TMEM165: variants seen among roughly 807,000 people sequenced by gnomAD.
TMEM165 encodes transmembrane protein 165, also known as putative divalent cation/proton antiporter TMEM165.
Under a neutral mutation model 30.0 loss-of-function variants are expected in TMEM165, and 19 were observed. That is an observed-to-expected ratio of 0.63 (90% CI 0.44 to 0.93). The LOEUF (loss-of-function observed/expected upper bound fraction) is 0.93, where lower values mean the gene tolerates loss of function less well. TMEM165 is among the 40% of genes least tolerant of loss of function. The probability of loss-of-function intolerance (pLI) is 0.00; values close to 1 mark genes in which losing one functional copy is unlikely to be tolerated. For synonymous variants in TMEM165, 168 were observed against 162.9 expected, an observed-to-expected ratio of 1.03 and a Z score of -0.24; for missense variants, 340 against 417.0, an observed-to-expected ratio of 0.82 and a Z score of 1.61.
chr4:55,422,561 T>G (rs1360447047), intron 4 of TMEM165, among the ~76,000 whole-genome samples: 3 of 152,172 alleles, frequency 2.0e-5, no homozygotes, highest in African/African-American at 7.2e-5. Flanking sequence ...CCACCCTGAT[T>G]CAACTGACTC....
chr4:55,400,303 T>TATA (rs1310690141), intron 1 of TMEM165, among the ~76,000 whole-genome samples: 8 of 104,750 alleles, frequency 7.6e-5, no homozygotes, highest in Non-Finnish European at 1.4e-4. Flanking sequence ...TATAATATTA[T>TATA]ATATAATATT....
chr4:55,435,870 C>T (rs1232686123), intron 3 of TMEM165, among the ~76,000 whole-genome samples: 1 of 152,200 alleles, frequency 6.6e-6, no homozygotes, highest in Non-Finnish European at 1.5e-5. Context: ...AAATCACACA[C>T]GTTCTTTCAC....
chr4:55,424,980 G>C (rs1284116441), intron 5 of TMEM165, among the ~76,000 whole-genome samples: 1 of 152,206 alleles, frequency 6.6e-6, no homozygotes, highest in Non-Finnish European at 1.5e-5. Context: ...CATATGTACT[G>C]ATTCTGCTGA....
At chr4:55,431,290 C>G (rs1722484653) in intron 3 of TMEM165, 1 of 152,094 alleles carries the variant, frequency 6.6e-6, no homozygotes, top group Non-Finnish European at 1.5e-5. Context: ...TGAGGCTATA[C>G]TAGTGCTATG....
intron 3 of TMEM165, among the ~76,000 whole-genome samples, chr4:55,442,002 A>G (rs1443325218): frequency 6.6e-6 from 1 of 152,122 alleles, no homozygotes; most frequent in East Asian, 1.9e-4. Flanking sequence ...AGGCCCTCAC[A>G]TACATTTTCT....
chr4:55,405,913 C>T (rs1394760617), intron 1 of TMEM165, among the ~76,000 whole-genome samples: 1 of 152,212 alleles, frequency 6.6e-6, no homozygotes, highest in African/African-American at 2.4e-5. Flanking sequence ...CTTGCCCCAA[C>T]CATTCTTCTG....
intron 1 of TMEM165, among the ~76,000 whole-genome samples, chr4:55,406,511 T>G (rs910109111): frequency 1.3e-5 from 2 of 152,248 alleles, no homozygotes; most frequent in Non-Finnish European, 2.9e-5. Flanking sequence ...ATACTTAGTA[T>G]ATACTTTTTC....
At position 55,408,462 on chromosome 4, in the gene TMEM165, G is replaced by A. The variant is rs549107902; in HGVS notation, c.208-3152G>A. On this transcript the variant is annotated intron_variant, in intron 1 of 5. Coordinates refer to ENST00000381334, the MANE Select transcript of TMEM165 (RefSeq NM_018475.5). Reference sequence around the variant, plus strand: ...CTTTTAGGCTACAAATCTGTACAGCGTGTTACTATATTAAATACTGTAGGC... The same window carrying A: ...CTTTTAGGCTACAAATCTGTACAGCATGTTACTATATTAAATACTGTAGGC... 4.6e-5 allele frequency among the ~76,000 whole-genome samples: 7 copies of A among 152,196 alleles called. No homozygotes were observed. In the East Asian group the frequency reaches 5.8e-4, roughly 13 times the overall value.
exon 4 of TMEM165, chr4:55,453,295 A>C (rs949297562): frequency 5.4e-5 from 33 of 611,008 alleles, no homozygotes; most frequent in African/African-American, 5.4e-4. Flanking sequence ...TTTAACTTGC[A>C]TTTTTCTAGG....
Position 55,435,673 on chromosome 4 carries a change from G to A in TMEM165, c.408+11030G>A, listed in dbSNP as rs368035025. On this transcript the variant is annotated intron_variant, in intron 3 of 3. Transcript: ENST00000608091. ...ATAATAGTTACTCACACTCTCCCCT[G>A]TCCATAGGGACAAAATCCTTAAAAT... 2,116 of 1,412,580 alleles carry A rather than the reference G, an allele frequency of 1.5e-3. 3 individuals are homozygous for A. The highest frequency in any genetic ancestry group is 1.8e-3 in the Non-Finnish European group (1,766 of 1,000,392). 87.5% of individuals were successfully genotyped at this position (1,412,580 alleles called of 1,614,324 possible).
rs1231454708 is a variant in TMEM165 at position 55,403,291 on chromosome 4, C to CT, written c.207+6897dup. On this transcript the variant is annotated intron_variant, in intron 1 of 5. Transcript: ENST00000381334. ...GTAGATTTTGTTTCAAGGAAAGCAT[C>CT]TTCATCTTCTCTAGTTTCATCATGT... 1.3e-5 allele frequency: 17 copies of CT among 1,286,840 alleles called. No homozygotes were observed. In the East Asian group the frequency reaches 8.9e-4, roughly 68 times the overall value. 79.7% of individuals were successfully genotyped at this position (1,286,840 alleles called of 1,614,324 possible). A position where few individuals can be genotyped will look rare whatever the true frequency, so the allele number is the denominator to read the frequency against.
At chr4:55,417,491 TA>T (rs1721784238) in intron 3 of TMEM165, among the ~76,000 whole-genome samples, 1 of 152,234 alleles carries the variant, frequency 6.6e-6, no homozygotes, top group Non-Finnish European at 1.5e-5. Flanking sequence ...TTAGGTTGAT[TA>T]TAAGCTCCTG....
At chr4:55,403,162 A>T in intron 1 of TMEM165, 1 of 944,556 alleles carries the variant, frequency 1.1e-6, no homozygotes, top group Non-Finnish European at 1.5e-6. Context: ...TTTTCTTCTG[A>T]CTCCTTTGTC....
At chr4:55,408,314 G>A (rs1385995315) in intron 1 of TMEM165, among the ~76,000 whole-genome samples, 1 of 152,098 alleles carries the variant, frequency 6.6e-6, no homozygotes, top group Non-Finnish European at 1.5e-5. Context: ...GCTTAATGAT[G>A]GGGATGTGTT....
Position 55,450,661 on chromosome 4 carries a change from C to T in TMEM165, c.409-1578C>T, listed in dbSNP as rs898672329. ...CAGATGCCTTGTGATCCCAGCTACT[C>T]CGGCGGCTGAGGCAGGAGAATTCCC... On this transcript the variant is annotated intron_variant, in intron 3 of 3. Coordinates refer to the TMEM165 transcript ENST00000608091. Among the ~76,000 whole-genome samples, 11 of 152,114 alleles carry T rather than the reference C, an allele frequency of 7.2e-5. No homozygotes were observed. The East Asian group carries it at 7.7e-4, about 11-fold the overall frequency.
rs187180541 is a variant in TMEM165 at position 55,425,783 on chromosome 4, A to G, written c.*331A>G. 67 of 170,534 alleles carry G rather than the reference A, an allele frequency of 3.9e-4. No individual in the cohort carries two copies. Among genetic ancestry groups the G allele is most frequent in the African/African-American group, 1.5e-3 (63 of 42,422 alleles). 10.6% of individuals were successfully genotyped at this position (170,534 alleles called of 1,614,324 possible). A position where few individuals can be genotyped will look rare whatever the true frequency, so the allele number is the denominator to read the frequency against. On this transcript the variant is annotated 3_prime_UTR_variant, in exon 6 of 6. Coordinates refer to ENST00000381334, the MANE Select transcript of TMEM165 (RefSeq NM_018475.5). ...CACTGACCCCTTTTTAAGGAATACA[A>G]ATTTTCTCCTTCATCACTTAGGTGT...
At position 55,396,256 on chromosome 4, in the gene TMEM165, C is replaced by T; in HGVS notation, c.67C>T (p.Pro23Ser). 2.0e-6 allele frequency: 3 copies of T among 1,515,198 alleles called. No homozygotes were observed. Among genetic ancestry groups the T allele is most frequent in the East Asian group, 5.5e-5 (2 of 36,492 alleles). 93.9% of individuals were successfully genotyped at this position (1,515,198 alleles called of 1,614,324 possible). The change falls in exon 1 of 6, where the codon CCG becomes TCG. Residue 23 changes from proline (P) to serine (S), a missense_variant. By Grantham distance (74) the Pro-to-Ser change is moderately conservative (BLOSUM62 -1). Around this residue, in one of 2 missense-constraint regions of TMEM165, gnomAD observed 120 missense variants for 109.4 expected, o/e 1.10. Transcript: ENST00000381334. ...CCGGCTGCTTCTGCTCTTTCTGGTT[C>T]CGCTGCTGTGGGCCCCGGCTGCGGT... ...APRLLLLFLVPLLWAPAAVRA... is the reference protein window; with the variant it reads ...APRLLLLFLVSLLWAPAAVRA...
Position 55,400,335 on chromosome 4 carries a change from TAATATTA to T in TMEM165, c.207+3941_207+3947del, listed in dbSNP as rs1720936870. On this transcript the variant is annotated intron_variant, in intron 1 of 5. Coordinates refer to ENST00000381334, the MANE Select transcript of TMEM165 (RefSeq NM_018475.5). ...TATTAATACTGTATTATATATAATATAATATTAATTATATTATATTAATATAATTAAT... is the reference window on the plus strand; with the variant it reads ...TATTAATACTGTATTATATATAATATATTATATTATATTAATATAATTAAT... Among the ~76,000 whole-genome samples, 7 of 54,732 alleles carry T rather than the reference TAATATTA, an allele frequency of 1.3e-4. No individual in the cohort carries two copies. In the South Asian group the frequency reaches 4.6e-3, roughly 36 times the overall value. The allele number at this position is 54,732 out of a possible 152,430, so 35.9% of individuals were successfully genotyped here.
chr4:55,448,643 T>TGCGC (rs1180306682), intron 3 of TMEM165: 1 of 578,830 alleles, frequency 1.7e-6, no homozygotes, highest in African/African-American at 1.9e-5. Flanking sequence ...TGTGTGTGTG[T>TGCGC]GCTCCTACCT....
Sources: allele counts gnomAD v4.1 joint callset (sites outside exome capture counted in the v4.1 genomes callset), GRCh38; gene constraint gnomAD v4.1.1; regional missense constraint gnomAD v4.1.1; transcripts MANE v1.5; gene names NCBI Gene and HGNC (gene_info 2026-07-23, HGNC 2026-07-21).